Variants in WDFY4 observed in about 807,000 individuals in gnomAD.
WDFY4 encodes the protein WD repeat- and FYVE domain-containing protein 4.
WDFY4 carries 169 observed loss-of-function variants against 351.9 expected under a neutral mutation model. The ratio of observed to expected loss-of-function variants is 0.48; its 90% CI spans 0.42 to 0.55. The LOEUF (loss-of-function observed/expected upper bound fraction) is 0.55. WDFY4 is among the 20% of genes least tolerant of loss of function. The pLI is 0.00. For missense variants in WDFY4, 3,803 were observed against 3,935.6 expected (o/e 0.97, Z 0.90); for synonymous variants, 1,622 against 1,574.6 (o/e 1.03, Z -0.71).
intron 47 of WDFY4, among the ~76,000 whole-genome samples, chr10:48,927,825 A>G (rs1333225097): frequency 6.6e-6 from 1 of 152,248 alleles, no homozygotes; most frequent in African/African-American, 2.4e-5. Flanking sequence ...CTATTTTGTA[A>G]TTCTGGATGT....
chr10:48,818,886 G>A (rs531835105), intron 32 of WDFY4, among the ~76,000 whole-genome samples: 6 of 152,330 alleles, frequency 3.9e-5, no homozygotes, highest in Non-Finnish European at 5.9e-5. Flanking sequence ...AGCCAGAGGC[G>A]CAGGCAGCCT....
chr10:48,725,731 C>T (rs1043077641), intron 5 of WDFY4, 150 bp from the exon 6 acceptor site: 4 of 812,858 alleles, frequency 4.9e-6, no homozygotes, highest in East Asian at 5.4e-5. Context: ...GTTGACCCTG[C>T]TGGTCTGGGA....
At chr10:48,905,783 G>T (rs1170099582) in intron 47 of WDFY4, among the ~76,000 whole-genome samples, 3 of 152,230 alleles carry the variant, frequency 2.0e-5, no homozygotes, top group Non-Finnish European at 2.9e-5. Flanking sequence ...ACAGCCCCGG[G>T]CTTCAGGATC....
At chr10:48,729,658 T>C in intron 8 of WDFY4, 69 bp downstream of exon 8, 5 of 1,510,216 alleles carry the variant, frequency 3.3e-6, no homozygotes, top group Non-Finnish European at 4.5e-6. Flanking sequence ...ACAGAGGGTC[T>C]TCTCCTGATT....
At chr10:48,846,944 G>T (rs1162315633) in intron 39 of WDFY4, among the ~76,000 whole-genome samples, 1 of 152,208 alleles carries the variant, frequency 6.6e-6, no homozygotes, top group Non-Finnish European at 1.5e-5. Flanking sequence ...TCCAGCCCTG[G>T]TTGTGATCTG....
chr10:48,777,588 A>G, intron 17 of WDFY4, 93 bp downstream of exon 17: 2 of 1,268,682 alleles, frequency 1.6e-6, no homozygotes, highest in Non-Finnish European at 2.2e-6. Context: ...TTGGTGTTTC[A>G]ATAAAGTGTG....
At chr10:48,973,144 T>C (rs115446850) in intron 57 of WDFY4, among the ~76,000 whole-genome samples, 1 of 152,168 alleles carries the variant, frequency 6.6e-6, no homozygotes, top group Non-Finnish European at 1.5e-5. Context: ...GTGCCGGCAC[T>C]GGGGCTCAGA....
chr10:48,897,675 T>C, intron 45 of WDFY4, 101 bp downstream of exon 45: 4 of 1,475,126 alleles, frequency 2.7e-6, no homozygotes, highest in Non-Finnish European at 3.6e-6. Flanking sequence ...GTGACTCTTC[T>C]TTGTGCCTAT....
intron 39 of WDFY4, among the ~76,000 whole-genome samples, chr10:48,838,978 G>A (rs901689619): frequency 6.6e-6 from 1 of 152,142 alleles, no homozygotes; most frequent in Non-Finnish European, 1.5e-5. Context: ...GTTGAGCCTT[G>A]GAGAATCCCA....
intron 39 of WDFY4, among the ~76,000 whole-genome samples, chr10:48,862,588 G>T (rs1321827767): frequency 6.6e-6 from 1 of 152,130 alleles, no homozygotes; most frequent in African/African-American, 2.4e-5. Context: ...CTATATTATT[G>T]TGAGTTGTAT....
chr10:48,838,107 A>T (rs1365527731), intron 39 of WDFY4, among the ~76,000 whole-genome samples: 1 of 152,262 alleles, frequency 6.6e-6, no homozygotes, highest in East Asian at 1.9e-4. Context: ...AAGAATTAAC[A>T]GAATGGGATG....
intron 43 of WDFY4, 28 bp downstream of exon 43, chr10:48,877,227 A>T: frequency 6.5e-7 from 1 of 1,535,726 alleles, no homozygotes; most frequent in Non-Finnish European, 8.8e-7. Context: ...AATAGCCTTT[A>T]AGATTTTTAA....
chr10:48,936,200 A>G (rs763669438), intron 47 of WDFY4, among the ~76,000 whole-genome samples: 14 of 152,156 alleles, frequency 9.2e-5, no homozygotes, highest in Non-Finnish European at 1.2e-4. Flanking sequence ...ATTTAGAAAT[A>G]AAAACAAAAC....
At position 48,890,745 on chromosome 10, in the gene WDFY4, C is replaced by T. The variant is rs1174310750; in HGVS notation, c.7316+18C>T. The stretch of plus-strand genomic sequence containing the variant: ...TTATCCAAGTGAGTTATCCACTTCT[C>T]CCAGCAGATTCTTCCCTGAGCCCCA... On this transcript the variant is annotated intron_variant, in intron 44 of 61. Transcript: ENST00000325239. 2 of 1,551,450 alleles carry T rather than the reference C, an allele frequency of 1.3e-6. No homozygotes were observed. The highest frequency in any genetic ancestry group is 2.4e-5 in the South Asian group (2 of 84,050).
At chr10:48,853,566 C>T (rs1455200517) in intron 39 of WDFY4, among the ~76,000 whole-genome samples, 2 of 152,184 alleles carry the variant, frequency 1.3e-5, no homozygotes, top group African/African-American at 4.8e-5. Flanking sequence ...TAAGAGAGTG[C>T]CTTGCTTCCA....
intron 47 of WDFY4, among the ~76,000 whole-genome samples, chr10:48,928,485 T>C (rs1212950422): frequency 6.6e-6 from 1 of 151,850 alleles, no homozygotes; most frequent in Non-Finnish European, 1.5e-5. Context: ...GCCAGCCCAG[T>C]AGAAACCCTA....
chr10:48,691,464 C>T (rs1565095273), intron 1 of WDFY4, among the ~76,000 whole-genome samples: 1 of 152,166 alleles, frequency 6.6e-6, no homozygotes, highest in African/African-American at 2.4e-5. Flanking sequence ...CACGCTGCTC[C>T]CCTGCTGGCC....
At chr10:48,954,001 G>A (rs899707596) in intron 51 of WDFY4, among the ~76,000 whole-genome samples, 5 of 152,166 alleles carry the variant, frequency 3.3e-5, no homozygotes, top group Admixed American at 2.0e-4. Flanking sequence ...ATTATAGACT[G>A]TCCCCTGATT....
chr10:48,784,825 C>A (rs1167789305), intron 19 of WDFY4, among the ~76,000 whole-genome samples: 3 of 146,672 alleles, frequency 2.0e-5, no homozygotes, highest in African/African-American at 7.6e-5. Flanking sequence ...CAGGCATGAG[C>A]CACCACACCC....
Sources: gnomAD v4.1 joint callset for allele counts (sites outside exome capture counted in the v4.1 genomes callset) on GRCh38, gnomAD v4.1.1 for gene constraint, MANE v1.5 for transcripts, NCBI Gene and HGNC (gene_info 2026-07-23, HGNC 2026-07-21) for gene names.